The following NKAIN2 variants were observed in gnomAD, a reference collection of about 807,000 sequenced individuals.
NKAIN2 encodes the protein sodium/potassium transporting ATPase interacting 2, also known as sodium/potassium-transporting ATPase subunit beta-1-interacting protein 2.
A neutral mutation model predicts 32.6 loss-of-function variants in NKAIN2; 14 were observed. The observed-to-expected ratio is 0.43, with a 90% CI of 0.28 to 0.67. NKAIN2 has a LOEUF of 0.67. Among genes scored for constraint, NKAIN2 ranks in the 30% least tolerant of loss-of-function variants. The pLI, the probability that NKAIN2 is intolerant of heterozygous loss-of-function variation, is 0.17. For synonymous variants in NKAIN2, 80 were observed against 87.2 expected (o/e 0.92, Z 0.46); for missense variants, 198 against 258.3 (o/e 0.77, Z 1.60).
rs111564784 is a variant in NKAIN2 at position 124,263,552 on chromosome 6, C to G, written c.55-19453C>G. ...TAGACTCTTAGTTTCCTAACATGGC[C>G]ATGTTAATACATTTTACAAAGTTGC... On this transcript the variant is annotated intron_variant, in intron 1 of 6. Transcript: ENST00000368417. 2.9e-3 allele frequency among the ~76,000 whole-genome samples: 434 copies of G among 152,204 alleles called. 2 individuals carry two copies. The highest frequency in any genetic ancestry group is 9.5e-3 in the African/African-American group (395 of 41,530).
Position 124,219,933 on chromosome 6 carries a change from A to G in NKAIN2, c.55-63072A>G, listed in dbSNP as rs189588614. Among the ~76,000 whole-genome samples the G allele has an allele frequency of 1.1e-3, 173 of 152,344 alleles. 5 individuals are homozygous for G. In the East Asian group the frequency reaches 0.026, roughly 23 times the overall value. On this transcript the variant is annotated intron_variant, in intron 1 of 6. Transcript: ENST00000368417. ...ACGAAAGATAAAGGAATGCAAAAAA[A>G]TACTATATGCTATTCTTTGTTTCAT...
intron 1 of NKAIN2, among the ~76,000 whole-genome samples, chr6:124,123,653 CATA>C (rs1343759895): frequency 6.6e-6 from 1 of 152,002 alleles, no homozygotes; most frequent in African/African-American, 2.4e-5. Context: ...TGGATGATGA[CATA>C]ATAAAGTAGC....
chr6:124,666,020 T>C (rs1054100173), intron 4 of NKAIN2, among the ~76,000 whole-genome samples: 4 of 152,036 alleles, frequency 2.6e-5, no homozygotes, highest in Non-Finnish European at 5.9e-5. Flanking sequence ...CAATAGAAAA[T>C]AGACAGAATG....
At chr6:124,614,356 T>C (rs927345923) in intron 3 of NKAIN2, among the ~76,000 whole-genome samples, 2 of 152,188 alleles carry the variant, frequency 1.3e-5, no homozygotes, top group Non-Finnish European at 2.9e-5. Context: ...ATGGTGCCAC[T>C]GCACTCCAGC....
chr6:124,256,050 C>G (rs543539569), intron 1 of NKAIN2, among the ~76,000 whole-genome samples: 2 of 152,172 alleles, frequency 1.3e-5, no homozygotes, highest in South Asian at 4.2e-4. Flanking sequence ...TTAAATCACT[C>G]TCTTACAAGG....
chr6:123,868,900 A>G (rs1772722422), intron 1 of NKAIN2, among the ~76,000 whole-genome samples: 1 of 152,188 alleles, frequency 6.6e-6, no homozygotes, highest in Non-Finnish European at 1.5e-5. Context: ...GATGGTGAAT[A>G]CTTTTTTAAA....
At chr6:124,155,358 G>A (rs1210941679) in intron 1 of NKAIN2, among the ~76,000 whole-genome samples, 2 of 152,084 alleles carry the variant, frequency 1.3e-5, no homozygotes, top group Non-Finnish European at 2.9e-5. Flanking sequence ...AGATGGATAT[G>A]CTAATTGCCC....
At chr6:124,124,754 A>G (rs1582691173) in intron 1 of NKAIN2, among the ~76,000 whole-genome samples, 1 of 152,170 alleles carries the variant, frequency 6.6e-6, no homozygotes, top group Non-Finnish European at 1.5e-5. Context: ...TGTTCTCCTG[A>G]ATCAAGATAT....
chr6:124,379,225 GA>G (rs1800146748), intron 3 of NKAIN2, among the ~76,000 whole-genome samples: 3 of 2,008 alleles, frequency 1.5e-3, no homozygotes, highest in East Asian at 0.01. Flanking sequence ...AAGGAGGGAA[GA>G]GGGGAGGAAG....
At chr6:124,289,282 A>G (rs992128567) in intron 2 of NKAIN2, among the ~76,000 whole-genome samples, 9 of 152,212 alleles carry the variant, frequency 5.9e-5, no homozygotes, top group African/African-American at 2.2e-4. Context: ...AACGTGATAC[A>G]TATGGTAGTT....
At chr6:123,885,478 A>G (rs1180113323) in intron 1 of NKAIN2, among the ~76,000 whole-genome samples, 2 of 152,100 alleles carry the variant, frequency 1.3e-5, no homozygotes, top group African/African-American at 4.8e-5. Flanking sequence ...CAGATTTTGT[A>G]TGTTTTTGTT....
rs886822883 is a variant in NKAIN2, at chr6:124,477,203, A to G, written c.273+121856A>G. 2.0e-5 allele frequency among the ~76,000 whole-genome samples: 3 copies of G among 152,324 alleles called. No individual in the cohort carries two copies. The East Asian group carries it at 5.8e-4, about 29-fold the overall frequency. On this transcript the variant is annotated intron_variant, in intron 3 of 6. Transcript: ENST00000368417. The stretch of plus-strand genomic sequence containing the variant: ...AGAATATAAGAGCTATTGTGGGCAT[A>G]AGTCTTAGTCCACAAACTCAAATGA...
At chr6:124,707,285 C>G (rs1009792107) in intron 4 of NKAIN2, among the ~76,000 whole-genome samples, 12 of 152,150 alleles carry the variant, frequency 7.9e-5, no homozygotes, top group African/African-American at 1.2e-4. Flanking sequence ...ACTGTGAATA[C>G]TGCCGCAATA....
At chr6:124,694,076 A>G (rs796136281) in intron 4 of NKAIN2, among the ~76,000 whole-genome samples, 19 of 152,340 alleles carry the variant, frequency 1.2e-4, no homozygotes, top group African/African-American at 4.6e-4. Flanking sequence ...CCCACATTCC[A>G]AGTGTTTAAG....
At chr6:124,755,442 A>G (rs1313422776) in intron 4 of NKAIN2, among the ~76,000 whole-genome samples, 1 of 152,078 alleles carries the variant, frequency 6.6e-6, no homozygotes, top group Non-Finnish European at 1.5e-5. Flanking sequence ...CAGAAACAAC[A>G]CTTTACCAAC....
At chr6:124,573,259 G>A (rs1781198704) in intron 3 of NKAIN2, among the ~76,000 whole-genome samples, 1 of 152,186 alleles carries the variant, frequency 6.6e-6, no homozygotes, top group Non-Finnish European at 1.5e-5. Flanking sequence ...ATACAATGTT[G>A]TTTGGATGTT....
chr6:124,812,825 T>C (rs552133108), intron 5 of NKAIN2, among the ~76,000 whole-genome samples: 28 of 152,214 alleles, frequency 1.8e-4, no homozygotes, highest in African/African-American at 6.3e-4. Flanking sequence ...CTTTCCCCCA[T>C]GTTCAAAAAC....
intron 2 of NKAIN2, among the ~76,000 whole-genome samples, chr6:124,324,302 T>G (rs1320020761): frequency 1.3e-5 from 2 of 152,172 alleles, no homozygotes; most frequent in African/African-American, 4.8e-5. Context: ...TTTTGTAGTT[T>G]TTACCATACA....
chr6:124,603,645 T>C (rs1281326727), intron 3 of NKAIN2, among the ~76,000 whole-genome samples: 1 of 151,686 alleles, frequency 6.6e-6, no homozygotes, highest in Non-Finnish European at 1.5e-5. Flanking sequence ...CAAATTAGAG[T>C]TTTTGCAGTT....
Sources: gnomAD v4.1 joint callset for allele counts (sites outside exome capture counted in the v4.1 genomes callset) on GRCh38, gnomAD v4.1.1 for gene constraint, MANE v1.5 for transcripts, NCBI Gene and HGNC (gene_info 2026-07-23, HGNC 2026-07-21) for gene names.